The following SLC13A4 variants were observed in gnomAD, a reference collection of about 807,000 sequenced individuals.
The protein encoded by SLC13A4 is Na(+)/sulfate cotransporter SUT-1.
In SLC13A4, 28 loss-of-function variants were observed where a neutral mutation model predicts 72.7. The observed-to-expected ratio is 0.39, with a 90% confidence interval of 0.29 to 0.53. The LOEUF is 0.53. SLC13A4 is among the 20% of genes least tolerant of loss of function. The pLI, the probability that SLC13A4 is intolerant of heterozygous loss-of-function variation, is 0.78. For synonymous variants in SLC13A4, 312 were observed against 325.5 expected, an observed-to-expected ratio of 0.96 and a Z score of 0.45; for missense variants, 653 against 788.0, an observed-to-expected ratio of 0.83 and a Z score of 2.05.
chr7:135,696,745 G>C (rs1433470132), intron 8 of SLC13A4, among the ~76,000 whole-genome samples: 1 of 152,146 alleles, frequency 6.6e-6, no homozygotes, highest in Non-Finnish European at 1.5e-5. Flanking sequence ...CAACTCACCA[G>C]AATCTGGCTG....
At chr7:135,697,808 C>G (rs73160721) in intron 8 of SLC13A4, among the ~76,000 whole-genome samples, 5 of 151,992 alleles carry the variant, frequency 3.3e-5, no homozygotes, top group Non-Finnish European at 7.4e-5. Context: ...TGTCCTGCCT[C>G]GGAGCCCTCC....
intron 2 of SLC13A4, among the ~76,000 whole-genome samples, chr7:135,719,862 C>CAGAT (rs1364937767): frequency 8.0e-6 from 1 of 125,454 alleles, no homozygotes; most frequent in Non-Finnish European, 1.6e-5. Context: ...TATGTGTGTA[C>CAGAT]AGATAGATAG....
At position 135,727,305 on chromosome 7, in the gene SLC13A4, G is replaced by A. The variant is rs893319875; in HGVS notation, c.99+93C>T. The A allele has an allele frequency of 4.1e-6, 6 of 1,466,312 alleles. No homozygotes were observed. In the African/African-American group the frequency reaches 7.0e-5, roughly 17 times the overall value. The allele number at this position is 1,466,312 out of a possible 1,614,324, so 90.8% of individuals were successfully genotyped here. A position where few individuals can be genotyped will look rare whatever the true frequency, so the allele number is the denominator to read the frequency against. On this transcript the variant is annotated intron_variant, in intron 1 of 15. Transcript: ENST00000682651. ...AAACCCACCACAAGCCACTTTGAGGGACTGCCTGAGCGCCCCATGTTCCCC... is the reference window on the plus strand; with the variant it reads ...AAACCCACCACAAGCCACTTTGAGGAACTGCCTGAGCGCCCCATGTTCCCC...
At chr7:135,702,024 C>A in intron 6 of SLC13A4, 1 of 347,668 alleles carries the variant, frequency 2.9e-6, no homozygotes, top group Non-Finnish European at 5.1e-6. Context: ...CTTTCTGGGA[C>A]TTTATTAGCT....
chr7:135,708,361 C>A, intron 2 of SLC13A4, 111 bp from the exon 3 acceptor site: 1 of 1,444,272 alleles, frequency 6.9e-7, no homozygotes, highest in South Asian at 1.3e-5. Context: ...ATCAAAGAGG[C>A]TGGCGAAGGG....
At position 135,681,327 on chromosome 7, in the gene SLC13A4, T is replaced by C. The variant is rs1483179515; in HGVS notation, c.*236A>G. 1.3e-5 allele frequency: 5 copies of C among 398,826 alleles called. No individual in the cohort carries two copies. The highest frequency in any genetic ancestry group is 2.2e-5 in the Non-Finnish European group (5 of 226,130). The allele number at this position is 398,826 out of a possible 1,614,324, so 24.7% of individuals were successfully genotyped here. A position where few individuals can be genotyped will look rare whatever the true frequency, so the allele number is the denominator to read the frequency against. Reference sequence around the variant, plus strand: ...GCTTGTATTGAAACTTTAGGTTTTCTTGAGCTGTGGTGCTGAGGGCAGGAA... The same window carrying C: ...GCTTGTATTGAAACTTTAGGTTTTCCTGAGCTGTGGTGCTGAGGGCAGGAA... On this transcript the variant is annotated 3_prime_UTR_variant, in exon 16 of 16. Transcript: ENST00000682651.
At chr7:135,686,881 A>G (rs1301115933) in intron 13 of SLC13A4, among the ~76,000 whole-genome samples, 2 of 152,132 alleles carry the variant, frequency 1.3e-5, no homozygotes, top group Non-Finnish European at 2.9e-5. Flanking sequence ...ATGTGGTGAA[A>G]GCCCACCTTT....
At chr7:135,712,596 C>T (rs992979331) in intron 2 of SLC13A4, among the ~76,000 whole-genome samples, 1 of 152,186 alleles carries the variant, frequency 6.6e-6, no homozygotes, top group Non-Finnish European at 1.5e-5. Flanking sequence ...GTGACTCTTC[C>T]TGTTGTGAAG....
At chr7:135,711,499 T>A (rs960700581) in intron 2 of SLC13A4, among the ~76,000 whole-genome samples, 1 of 152,198 alleles carries the variant, frequency 6.6e-6, no homozygotes, top group Admixed American at 6.5e-5. Flanking sequence ...TCATTTGAGC[T>A]CCACAGCAGT....
intron 2 of SLC13A4, among the ~76,000 whole-genome samples, chr7:135,713,569 A>G (rs1022876718): frequency 6.6e-6 from 1 of 151,724 alleles, no homozygotes; most frequent in African/African-American, 2.4e-5. Flanking sequence ...TTTTTTAATT[A>G]TGTGTTTTTT....
At chr7:135,691,670 A>T (rs375145498) in intron 11 of SLC13A4, 25 bp from the exon 12 acceptor site, 1 of 1,545,398 alleles carries the variant, frequency 6.5e-7, no homozygotes, top group Non-Finnish European at 8.9e-7. Flanking sequence ...AGCATAGCTG[A>T]GGAGAAGGGT....
At chr7:135,684,056 G>C in intron 15 of SLC13A4, 68 bp downstream of exon 15, 1 of 1,479,596 alleles carries the variant, frequency 6.8e-7, no homozygotes, top group Non-Finnish European at 9.1e-7. Flanking sequence ...TTTGAAAGAA[G>C]GCTGCAGAGC....
At chr7:135,712,089 G>T (rs1390685012) in intron 2 of SLC13A4, among the ~76,000 whole-genome samples, 2 of 146,218 alleles carry the variant, frequency 1.4e-5, no homozygotes, top group African/African-American at 2.5e-5. Flanking sequence ...CTCCCAAAGT[G>T]CTGGGATTAC....
rs185379475 is a variant in SLC13A4, at chr7:135,696,434, C to T, written c.900-947G>A. Among the ~76,000 whole-genome samples, 398 of 152,126 alleles carry T rather than the reference C, an allele frequency of 2.6e-3. 8 individuals carry two copies. Among genetic ancestry groups the T allele is most frequent in the Non-Finnish European group, 6.6e-4 (45 of 68,010 alleles). The stretch of plus-strand genomic sequence containing the variant: ...TATGATCTCAGCTCACTGCAACTTC[C>T]GCCTTCTGGGTTCAAGCAATTCTGC... On this transcript the variant is annotated intron_variant, in intron 8 of 15. Transcript: ENST00000682651.
At chr7:135,684,356 G>C (rs1463638734) in intron 14 of SLC13A4, 95 bp from the exon 15 acceptor site, 2 of 1,434,564 alleles carry the variant, frequency 1.4e-6, no homozygotes, top group African/African-American at 1.4e-5. Flanking sequence ...CTTGGTGCTG[G>C]CTAACCTTAG....
At chr7:135,701,781 T>A (rs1041363092) in intron 6 of SLC13A4, 21 bp from the exon 7 acceptor site, 13 of 1,612,206 alleles carry the variant, frequency 8.1e-6, no homozygotes, top group African/African-American at 1.3e-5. Context: ...AAAGGCCATC[T>A]CACTATTAGG....
chr7:135,719,431 C>T (rs1425610189), intron 2 of SLC13A4, among the ~76,000 whole-genome samples: 2 of 152,096 alleles, frequency 1.3e-5, no homozygotes, highest in African/African-American at 4.8e-5. Context: ...TTCTAAACAT[C>T]ATTTTTTTTC....
intron 10 of SLC13A4, chr7:135,692,710 C>A: frequency 3.0e-6 from 1 of 335,162 alleles, no homozygotes; most frequent in South Asian, 4.0e-5. Context: ...AAGGAGAGTG[C>A]AGTGAAATAG....
rs537489941 is a variant in SLC13A4, at chr7:135,721,597, A to G, written c.100-74T>C. The G allele has an allele frequency of 9.3e-5, 148 of 1,585,736 alleles. 1 individual carries two copies. The South Asian group carries it at 1.6e-3, about 17-fold the overall frequency. ...CTGAGCGTCCGGATGCAACCCTGGC[A>G]TCTGAGGCAGCAGACTCAGACTGTA... On this transcript the variant is annotated intron_variant, in intron 1 of 15. Transcript: ENST00000682651.
Sources: gnomAD v4.1 joint callset for allele counts (sites outside exome capture counted in the v4.1 genomes callset) on GRCh38, gnomAD v4.1.1 for gene constraint, MANE v1.5 for transcripts, NCBI Gene and HGNC (gene_info 2026-07-23, HGNC 2026-07-21) for gene names.